Variants in TUBB6 observed in about 807,000 individuals in gnomAD.
The protein encoded by TUBB6 is tubulin beta 6 class V.
Under a neutral mutation model 32.3 loss-of-function variants are expected in TUBB6, and 18 were observed. That is an observed-to-expected ratio of 0.56 (90% confidence interval 0.39 to 0.83). The LOEUF (loss-of-function observed/expected upper bound fraction) is 0.83. TUBB6 is among the 40% of genes least tolerant of loss of function. TUBB6 has a pLI of 0.00. For synonymous variants in TUBB6, 280 were observed against 265.8 expected, an observed-to-expected ratio of 1.05 and a Z score of -0.52; for missense variants, 480 against 632.0, an observed-to-expected ratio of 0.76 and a Z score of 2.58.
upstream of TUBB6, chr18:12,308,118 T>C (rs1459159054): frequency 4.9e-6 from 1 of 203,922 alleles, no homozygotes; most frequent in Non-Finnish European, 8.7e-6. Flanking sequence ...CTCCCTCGGC[T>C]GCTGCAGGCC....
chr18:12,329,777 G>A (rs532751601), downstream of TUBB6: 14 of 1,612,894 alleles, frequency 8.7e-6, no homozygotes, highest in East Asian at 8.9e-5. Context: ...AACAACAGAA[G>A]AGCAACCTGA....
At chr18:12,313,188 A>T (rs1424500323) in intron 3 of TUBB6, among the ~76,000 whole-genome samples, 1 of 152,178 alleles carries the variant, frequency 6.6e-6, no homozygotes, top group East Asian at 1.9e-4. Flanking sequence ...TAAGAAACAG[A>T]TGTCCATTGT....
At chr18:12,308,500 C>T in intron 1 of TUBB6, 151 bp downstream of exon 1, 1 of 730,810 alleles carries the variant, frequency 1.4e-6, no homozygotes, top group Non-Finnish European at 2.0e-6. Flanking sequence ...AGGGAGGGAG[C>T]GCCCGGGGCG....
intron 3 of TUBB6, among the ~76,000 whole-genome samples, chr18:12,313,473 G>A (rs780609395): frequency 6.6e-6 from 1 of 152,130 alleles, no homozygotes; most frequent in Non-Finnish European, 1.5e-5. Flanking sequence ...GTGTTCCCCA[G>A]GACACTAGAC....
chr18:12,309,190 C>T (rs1480277330), intron 2 of TUBB6, among the ~76,000 whole-genome samples: 1 of 148,052 alleles, frequency 6.8e-6, no homozygotes, highest in African/African-American at 2.6e-5. Flanking sequence ...CCCCGCCCCC[C>T]TCCCGCCCCG....
At chr18:12,329,707 G>T (rs543969956), downstream of TUBB6, 4 of 1,614,128 alleles carry the variant, frequency 2.5e-6, no homozygotes, top group Non-Finnish European at 3.4e-6. Flanking sequence ...AGATTTTTCC[G>T]CAAATGGTCT....
chr18:12,324,463 G>T (rs1340767972), intron 3 of TUBB6, among the ~76,000 whole-genome samples: 13 of 127,712 alleles, frequency 1.0e-4, no homozygotes, highest in Non-Finnish European at 1.7e-4. Context: ...TTTTTTTTGA[G>T]CTGTAGTCCC....
intron 3 of TUBB6, among the ~76,000 whole-genome samples, chr18:12,322,298 A>AAAAT (rs573233728): frequency 2.9e-3 from 437 of 152,158 alleles, no homozygotes; most frequent in Non-Finnish European, 4.3e-3. Flanking sequence ...ACTCCATCTC[A>AAAAT]AAATAAATAA....
chr18:12,314,781 A>G (rs954208230), intron 3 of TUBB6, among the ~76,000 whole-genome samples: 3 of 152,212 alleles, frequency 2.0e-5, no homozygotes, highest in African/African-American at 7.2e-5. Flanking sequence ...CTGAGAATTA[A>G]TTTTAGCTCT....
At chr18:12,329,028 G>A, downstream of TUBB6, 2 of 648,790 alleles carry the variant, frequency 3.1e-6, no homozygotes, top group Non-Finnish European at 5.6e-6. Flanking sequence ...TTTTAAGTAT[G>A]TTACAGCTCC....
At position 12,326,381 on chromosome 18, in the gene TUBB6, A is replaced by AG. The variant is rs1407693868; in HGVS notation, c.*255dup. ...TACTAGAGGACTTGAAAGAGAACTG[A>AG]GGGGCCACAAAATAAACTTCACCTT... On this transcript the variant is annotated 3_prime_UTR_variant, in exon 4 of 4. Transcript: ENST00000317702. 8 of 503,388 alleles carry AG rather than the reference A, an allele frequency of 1.6e-5. No individual in the cohort carries two copies. The highest frequency in any genetic ancestry group is 3.4e-5 in the East Asian group (1 of 29,280). 31.2% of individuals were successfully genotyped at this position (503,388 alleles called of 1,614,324 possible). A position where few individuals can be genotyped will look rare whatever the true frequency, so the allele number is the denominator to read the frequency against.
At chr18:12,324,261 A>T (rs1308131562) in intron 3 of TUBB6, among the ~76,000 whole-genome samples, 1 of 151,408 alleles carries the variant, frequency 6.6e-6, no homozygotes, top group African/African-American at 2.4e-5. Context: ...TCCCGGCTAC[A>T]CGGGAGGCTG....
downstream of TUBB6, among the ~76,000 whole-genome samples, chr18:12,328,625 C>T (rs918558668): frequency 1.3e-5 from 2 of 152,194 alleles, no homozygotes; most frequent in East Asian, 3.9e-4. Context: ...CTGCCAGGCC[C>T]GCTACAGTTA....
intron 2 of TUBB6, among the ~76,000 whole-genome samples, chr18:12,309,978 C>G (rs1193711229): frequency 2.2e-5 from 1 of 45,422 alleles, no homozygotes; most frequent in African/African-American, 4.9e-5. Context: ...TGGCAATTTG[C>G]TGTAAATACC....
intron 2 of TUBB6, among the ~76,000 whole-genome samples, chr18:12,309,952 G>A (rs1278747845): frequency 6.9e-6 from 1 of 144,006 alleles, no homozygotes; most frequent in Admixed American, 7.2e-5. Context: ...ACAAAGCAGA[G>A]AATTTCATCC....
downstream of TUBB6, among the ~76,000 whole-genome samples, chr18:12,328,238 T>C (rs1907401200): frequency 6.6e-6 from 1 of 152,168 alleles, no homozygotes; most frequent in Non-Finnish European, 1.5e-5. Context: ...TGCCACTAGA[T>C]TGTGTTAATT....
chr18:12,327,181 G>A (rs907424537), downstream of TUBB6, among the ~76,000 whole-genome samples: 11 of 152,130 alleles, frequency 7.2e-5, no homozygotes, highest in Admixed American at 5.9e-4. Context: ...TGTCACCCCC[G>A]AGTGGAAGCG....
chr18:12,319,442 G>A (rs953523533), intron 3 of TUBB6, among the ~76,000 whole-genome samples: 2 of 151,238 alleles, frequency 1.3e-5, no homozygotes, highest in Admixed American at 6.6e-5. Flanking sequence ...CACCGCGCCC[G>A]GCCCTGCTGA....
chr18:12,324,917 T>C, intron 3 of TUBB6, 150 bp from the exon 4 acceptor site: 8 of 1,481,688 alleles, frequency 5.4e-6, no homozygotes, highest in Non-Finnish European at 7.1e-6. Flanking sequence ...TCTGCTCAGC[T>C]GCACCGTTGG....
Sources: allele counts gnomAD v4.1 joint callset (sites outside exome capture counted in the v4.1 genomes callset), GRCh38; gene constraint gnomAD v4.1.1; transcripts MANE v1.5; gene names NCBI Gene and HGNC (gene_info 2026-07-23, HGNC 2026-07-21).